DLGAP3: variants seen among roughly 807,000 people sequenced by gnomAD.
DLGAP3 encodes the protein DLG associated protein 3, also known as disks large-associated protein 3.
Under a neutral mutation model 81.2 loss-of-function variants are expected in DLGAP3, and 17 were observed. That is an observed-to-expected ratio of 0.21 (90% CI 0.14 to 0.31). The LOEUF is 0.31. DLGAP3 is among the 10% of genes least tolerant of loss of function. The pLI is 1.00. For synonymous variants in DLGAP3, 577 were observed against 587.4 expected (o/e 0.98, Z 0.26); for missense variants, 1,124 against 1,388.0 (o/e 0.81, Z 3.02).
At chr1:34,899,090 T>C (rs550627624) in intron 5 of DLGAP3, among the ~76,000 whole-genome samples, 35,700 of 89,928 alleles carry the variant, frequency 0.4, 6,191 homozygotes, top group East Asian at 0.91. Context: ...AATTCTACTT[T>C]TTTTTTTTTT....
intron 1 of DLGAP3, among the ~76,000 whole-genome samples, chr1:34,917,673 T>C (rs943578457): frequency 2.0e-5 from 3 of 152,228 alleles, no homozygotes; most frequent in African/African-American, 7.2e-5. Context: ...TTTGTGTGCA[T>C]AGAAGCTGCA....
chr1:34,894,971 A>G (rs1639361879), intron 5 of DLGAP3, among the ~76,000 whole-genome samples: 1 of 152,344 alleles, frequency 6.6e-6, no homozygotes, highest in East Asian at 1.9e-4. Flanking sequence ...GGGTATGTCA[A>G]TTCACTTGAT....
chr1:34,894,264 CA>C lies in DLGAP3; in HGVS notation c.1386+5404del, dbSNP rs59073158. On this transcript the variant is annotated intron_variant, in intron 5 of 11. Coordinates refer to ENST00000373347, the MANE Select transcript of DLGAP3 (RefSeq NM_001080418.3). Reference sequence around the variant, plus strand: ...CAAAAGGCATAGTGATAAGATAAAGCAAAAAAAAAAAAAAAACCATTAGATG... The same window carrying C: ...CAAAAGGCATAGTGATAAGATAAAGCAAAAAAAAAAAAAAACCATTAGATG... Among the ~76,000 whole-genome samples, 820 of 117,218 alleles carry C rather than the reference CA, an allele frequency of 7.0e-3. 3 individuals are homozygous for C. The highest frequency in any genetic ancestry group is 0.017 in the African/African-American group (491 of 29,556). 76.9% of individuals were successfully genotyped at this position (117,218 alleles called of 152,430 possible). A position where few individuals can be genotyped will look rare whatever the true frequency, so the allele number is the denominator to read the frequency against.
chr1:34,915,414 C>G (rs1639701822), intron 1 of DLGAP3, among the ~76,000 whole-genome samples: 1 of 152,192 alleles, frequency 6.6e-6, no homozygotes, highest in South Asian at 2.1e-4. Context: ...GGTAGGAGCC[C>G]AAGCCCATGG....
rs1639470491 is a variant in DLGAP3 at position 34,902,184 on chromosome 1, TA to T, written c.1108-1912del. 6.6e-6 allele frequency among the ~76,000 whole-genome samples: 1 copy of T among 152,008 alleles called. No individual in the cohort carries two copies. The highest frequency in any genetic ancestry group is 2.4e-5 in the African/African-American group (1 of 41,438). ...AGGACTGGGGGAGGTAGGGAGGATT[TA>T]AAACACTTGTGTAAAGAACAGGTTA... On this transcript the variant is annotated intron_variant, in intron 3 of 11. Transcript: ENST00000373347. The surrounding 1 kb of genome is among the most constrained non-coding windows in gnomAD (Gnocchi z 4.4).
intron 1 of DLGAP3, among the ~76,000 whole-genome samples, chr1:34,912,473 G>A (rs1639653724): frequency 6.6e-6 from 1 of 152,188 alleles, no homozygotes; most frequent in African/African-American, 2.4e-5. Context: ...AGTTGTCTGG[G>A]AGAGCTACAA....
At chr1:34,906,018 A>ATT (rs1465653737) in intron 2 of DLGAP3, among the ~76,000 whole-genome samples, 3 of 80,150 alleles carry the variant, frequency 3.7e-5, no homozygotes, top group Non-Finnish European at 8.0e-5. Context: ...CTCTAAATTT[A>ATT]TATATATATA....
In DLGAP3 at chr1:34,867,783, A is replaced by G. The variant is rs1016980918; in HGVS notation, c.2486-156T>C. Reference sequence around the variant, plus strand: ...AGCCCCATCCCATCCTCAAGTTCCTAACAAGTTCTCGCTCCACTACACCAA... The same window carrying G: ...AGCCCCATCCCATCCTCAAGTTCCTGACAAGTTCTCGCTCCACTACACCAA... On this transcript the variant is annotated intron_variant, in intron 9 of 11. Transcript: ENST00000373347. The surrounding 1 kb of genome is among the most constrained non-coding windows in gnomAD (Gnocchi z 4.3). 8.6e-5 allele frequency among the ~76,000 whole-genome samples: 13 copies of G among 151,944 alleles called. No homozygotes were observed. Among genetic ancestry groups the G allele is most frequent in the African/African-American group, 3.1e-4 (13 of 41,328 alleles).
chr1:34,886,363 G>A (rs1158431759), intron 5 of DLGAP3, 78 bp from the exon 6 acceptor site: 1 of 1,352,452 alleles, frequency 7.4e-7, no homozygotes, highest in East Asian at 2.5e-5. Flanking sequence ...CTGCCTTAGG[G>A]GAAGACCTCT....
At chr1:34,881,745 T>C (rs1167062674) in intron 8 of DLGAP3, among the ~76,000 whole-genome samples, 1 of 151,276 alleles carries the variant, frequency 6.6e-6, no homozygotes, top group Non-Finnish European at 1.5e-5. Flanking sequence ...CATTCATTCA[T>C]ATAATTCACC....
intron 8 of DLGAP3, among the ~76,000 whole-genome samples, chr1:34,877,181 G>A (rs1289015873): frequency 1.3e-5 from 2 of 152,294 alleles, no homozygotes; most frequent in East Asian, 3.9e-4. Flanking sequence ...GCTGAGGGAG[G>A]ATGAGAGGAG....
intron 1 of DLGAP3, among the ~76,000 whole-genome samples, chr1:34,911,101 C>A (rs538056719): frequency 6.7e-6 from 1 of 148,868 alleles, no homozygotes; most frequent in African/African-American, 2.5e-5. Flanking sequence ...CAAGGTCACA[C>A]CGAGAGCTGT....
At chr1:34,884,912 G>A (rs1182942874) in intron 8 of DLGAP3, 66 bp downstream of exon 8, 3 of 1,217,022 alleles carry the variant, frequency 2.5e-6, no homozygotes, top group Non-Finnish European at 3.7e-6. Context: ...GGCTAGTGGG[G>A]ACACTATGCA....
chr1:34,905,614 T>TC (rs1639539246), intron 2 of DLGAP3, among the ~76,000 whole-genome samples, 180 bp from the exon 3 acceptor site: 1 of 152,076 alleles, frequency 6.6e-6, no homozygotes, highest in Admixed American at 6.6e-5. Context: ...ACATAGACAC[T>TC]CAAGGGCACA....
At chr1:34,928,659 G>A (rs1028034124) in intron 1 of DLGAP3, among the ~76,000 whole-genome samples, 7 of 152,028 alleles carry the variant, frequency 4.6e-5, no homozygotes, top group African/African-American at 1.7e-4. Flanking sequence ...CAGAGCCCAG[G>A]TGTGGGTGAT....
Position 34,868,680 on chromosome 1 carries a change from C to G in DLGAP3, c.2410G>C (p.Ala804Pro), listed in dbSNP as rs1311592248. ...CAGTGCTCCAGCTTCTCCACCTCTG[C>G]CCGCAGCATCTTGATGAACCACTCG... ...DGEWFIKMLR[A>P]EVEKLEHWCQ... Residue 804 changes from alanine (A) to proline (P), a missense_variant, in exon 9 of 12, where the codon GCA becomes CCA. Transcript: ENST00000373347. This position sits in a 1 kb window ranked among gnomAD's most constrained non-coding sequence, Gnocchi z 7.5. The G allele has an allele frequency of 1.2e-6, 2 of 1,612,338 alleles. No individual in the cohort carries two copies. Among genetic ancestry groups the G allele is most frequent in the Non-Finnish European group, 8.5e-7 (1 of 1,180,032 alleles).
intron 7 of DLGAP3, among the ~76,000 whole-genome samples, chr1:34,885,273 A>G (rs921025116): frequency 1.3e-4 from 20 of 152,112 alleles, no homozygotes; most frequent in Non-Finnish European, 2.4e-4. Context: ...ATTAGTCAGG[A>G]GGGGCGATGG....
intron 1 of DLGAP3, among the ~76,000 whole-genome samples, chr1:34,928,563 C>A (rs1020378695): frequency 6.6e-6 from 1 of 152,142 alleles, no homozygotes; most frequent in African/African-American, 2.4e-5. Context: ...CAGGGGTCCC[C>A]AGAGAAGTGG....
In DLGAP3 at chr1:34,899,732, G is replaced by C; in HGVS notation, c.1323C>G (p.Val441=). ...AGCTCCGGGGGTGGATCCGGGGTGG[G>C]ACACAGCAGCTGGAAAAGGGCAAAA... ...SVDQARINCC[V]PPRIHPRSSI... is the part of the protein sequence containing the mutation. Residue 441 remains valine, a synonymous_variant, in exon 5 of 12, where the codon GTC becomes GTG. Transcript: ENST00000373347. 2.5e-6 allele frequency: 4 copies of C among 1,614,022 alleles called. No homozygotes were observed. The highest frequency in any genetic ancestry group is 3.4e-6 in the Non-Finnish European group (4 of 1,179,994).
Sources: gnomAD v4.1 joint callset for allele counts (sites outside exome capture counted in the v4.1 genomes callset) on GRCh38, gnomAD v4.1.1 for gene constraint, Gnocchi (gnomAD v3.1) non-coding constraint, MANE v1.5 for transcripts, NCBI Gene and HGNC (gene_info 2026-07-23, HGNC 2026-07-21) for gene names.